The following SLC25A17 variants were observed in gnomAD, a reference collection of about 807,000 sequenced individuals.
SLC25A17 encodes the protein solute carrier family 25 member 17.
A neutral mutation model predicts 38.5 loss-of-function variants in SLC25A17; 26 were observed. The observed-to-expected ratio is 0.68, with a 90% CI of 0.50 to 0.94. The LOEUF is 0.94. SLC25A17 is among the 40% of genes least tolerant of loss of function. The pLI, the probability that SLC25A17 is intolerant of heterozygous loss-of-function variation, is 0.00. For synonymous variants in SLC25A17, 139 were observed against 136.2 expected (o/e 1.02, Z -0.14); for missense variants, 333 against 372.7 (o/e 0.89, Z 0.88).
chr22:40,777,501 C>T, intron 5 of SLC25A17, 128 bp from the exon 6 acceptor site: 1 of 1,125,522 alleles, frequency 8.9e-7, no homozygotes, highest in Non-Finnish European at 1.2e-6. Flanking sequence ...TTCCTTCTTG[C>T]AGCCGGTTGC....
At position 40,796,267 on chromosome 22, in the gene SLC25A17, G is replaced by A. The variant is rs548892379; in HGVS notation, c.116-1687C>T. Reference sequence around the variant, plus strand: ...AAAGTAATTTTAGAACATAAAATATGCAAATTAACCAATTTCCTAAGAATT... The same window carrying A: ...AAAGTAATTTTAGAACATAAAATATACAAATTAACCAATTTCCTAAGAATT... On this transcript the variant is annotated intron_variant, in intron 2 of 8. Coordinates refer to ENST00000435456, the MANE Select transcript of SLC25A17 (RefSeq NM_006358.4). Among the ~76,000 whole-genome samples the A allele has an allele frequency of 2.6e-5, 4 of 152,304 alleles. No individual in the cohort carries two copies. In the South Asian group the frequency reaches 6.2e-4, roughly 24 times the overall value.
intron 4 of SLC25A17, among the ~76,000 whole-genome samples, chr22:40,786,138 C>G (rs2057335828): frequency 6.6e-6 from 1 of 152,062 alleles, no homozygotes; most frequent in Non-Finnish European, 1.5e-5. Flanking sequence ...TGGTGAAACT[C>G]CGTCTCTAGG....
intron 1 of SLC25A17, among the ~76,000 whole-genome samples, chr22:40,801,272 T>C (rs867112036): frequency 1.3e-5 from 2 of 151,344 alleles, no homozygotes; most frequent in East Asian, 1.9e-4. Flanking sequence ...GAGAATACTC[T>C]AATATTTGTA....
chr22:40,815,131 T>C (rs2057626432), intron 1 of SLC25A17, among the ~76,000 whole-genome samples: 1 of 152,068 alleles, frequency 6.6e-6, no homozygotes, highest in South Asian at 2.1e-4. Context: ...GAATATTCTT[T>C]AAATAAGCTT....
chr22:40,799,138 CTTT>C, intron 1 of SLC25A17, 55 bp from the exon 2 acceptor site: 1 of 1,127,584 alleles, frequency 8.9e-7, no homozygotes, highest in Non-Finnish European at 1.2e-6. Flanking sequence ...TAAGTCACAA[CTTT>C]TTTTTTTTGA....
chr22:40,774,187 A>C (rs1431054974), intron 7 of SLC25A17, among the ~76,000 whole-genome samples, 168 bp from the exon 8 acceptor site: 1 of 151,968 alleles, frequency 6.6e-6, no homozygotes, highest in African/African-American at 2.4e-5. Flanking sequence ...ACTGAGTGAA[A>C]TATTTCAATC....
chr22:40,771,437 C>T (rs943267996), intron 8 of SLC25A17, among the ~76,000 whole-genome samples: 2 of 152,038 alleles, frequency 1.3e-5, no homozygotes, highest in African/African-American at 4.8e-5. Flanking sequence ...CAAATAATGT[C>T]TTAAATTTGG....
At chr22:40,773,831 G>A in intron 8 of SLC25A17, 106 bp downstream of exon 8, 1 of 803,174 alleles carries the variant, frequency 1.2e-6, no homozygotes, top group Non-Finnish European at 2.2e-6. Context: ...GGTTTTGGAG[G>A]TTGCCACCAC....
chr22:40,786,303 C>G (rs923868699), intron 4 of SLC25A17, among the ~76,000 whole-genome samples: 11 of 150,122 alleles, frequency 7.3e-5, no homozygotes, highest in Non-Finnish European at 1.5e-4. Flanking sequence ...AAAGTGAAAC[C>G]CTGTTGCAAA....
intron 2 of SLC25A17, among the ~76,000 whole-genome samples, chr22:40,797,713 C>T (rs985468155): frequency 6.6e-6 from 1 of 152,134 alleles, no homozygotes; most frequent in Non-Finnish European, 1.5e-5. Flanking sequence ...AAATAGGAAA[C>T]AATGATGACC....
Position 40,791,873 on chromosome 22 carries a change from C to G in SLC25A17, c.334+652G>C, listed in dbSNP as rs113321685. Among the ~76,000 whole-genome samples the G allele has an allele frequency of 1.2e-4, 19 of 152,248 alleles. 1 individual carries two copies. Among genetic ancestry groups the G allele is most frequent in the African/African-American group, 4.3e-4 (18 of 41,554 alleles). On this transcript the variant is annotated intron_variant, in intron 4 of 8. Coordinates refer to ENST00000435456, the MANE Select transcript of SLC25A17 (RefSeq NM_006358.4). Reference sequence around the variant, plus strand: ...ACAGAATTCCAAATGATCCAGCAATCCCACTTCTGGGTATATATCCAGAAG... The same window carrying G: ...ACAGAATTCCAAATGATCCAGCAATGCCACTTCTGGGTATATATCCAGAAG...
chr22:40,777,805 C>A (rs959426125), intron 5 of SLC25A17, among the ~76,000 whole-genome samples: 9 of 149,620 alleles, frequency 6.0e-5, no homozygotes, highest in Non-Finnish European at 1.0e-4. Flanking sequence ...AAAAAGATTT[C>A]TTTCTTGCAA....
intron 4 of SLC25A17, among the ~76,000 whole-genome samples, chr22:40,785,810 T>C (rs965389588): frequency 2.6e-5 from 4 of 152,074 alleles, no homozygotes; most frequent in Non-Finnish European, 4.4e-5. Context: ...ATTGGTTTTT[T>C]TTTTTGGTAG....
In SLC25A17 at chr22:40,777,086, G is replaced by A; in HGVS notation, c.647C>T (p.Ala216Val). 1.2e-6 allele frequency: 2 copies of A among 1,614,158 alleles called. No homozygotes were observed. The highest frequency in any genetic ancestry group is 1.7e-6 in the Non-Finnish European group (2 of 1,180,028). ...FIIGAVAKAI[A>V]TTVTYPLQTV... ...CTGCAGGGGATAGGTCACCGTGGTG[G>A]CAATCGCTTTGGCTACTGCACCAAT... The change falls in exon 7 of 9, where the codon GCC (alanine) becomes GTC (valine). Residue 216 changes from alanine (A) to valine (V), a missense_variant. Ala to Val is a moderately conservative substitution (Grantham distance 64). Transcript: ENST00000435456.
rs1242572104 is a variant in SLC25A17 at position 40,789,705 on chromosome 22, A to G, written c.334+2820T>C. Among the ~76,000 whole-genome samples, 2 of 151,778 alleles carry G rather than the reference A, an allele frequency of 1.3e-5. No homozygotes were observed. Among genetic ancestry groups the G allele is most frequent in the Non-Finnish European group, 2.9e-5 (2 of 67,954 alleles). Reference sequence around the variant, plus strand: ...GTATTTTCAGTAAAGGTGGGGTTTCACCATGTAGGCTAGGCTGTTCTCGAA... The same window carrying G: ...GTATTTTCAGTAAAGGTGGGGTTTCGCCATGTAGGCTAGGCTGTTCTCGAA... On this transcript the variant is annotated intron_variant, in intron 4 of 8. Coordinates refer to ENST00000435456, the MANE Select transcript of SLC25A17 (RefSeq NM_006358.4). The surrounding 1 kb of genome is among the most constrained non-coding windows in gnomAD (Gnocchi z 4.5).
intron 4 of SLC25A17, among the ~76,000 whole-genome samples, chr22:40,787,739 GACAACAACA>G (rs573166990): frequency 6.6e-6 from 1 of 150,538 alleles, no homozygotes; most frequent in Non-Finnish European, 1.5e-5. Context: ...TACTGTCTTC[GACAACAACA>G]ACAACAACAA....
At chr22:40,809,432 T>C (rs2057558085) in intron 1 of SLC25A17, among the ~76,000 whole-genome samples, 1 of 150,154 alleles carries the variant, frequency 6.7e-6, no homozygotes, top group Admixed American at 6.7e-5. Flanking sequence ...CTGAGCAACA[T>C]GGTGAAACAT....
intron 1 of SLC25A17, among the ~76,000 whole-genome samples, chr22:40,812,825 C>T (rs1441650300): frequency 6.6e-6 from 1 of 151,916 alleles, no homozygotes; most frequent in Non-Finnish European, 1.5e-5. Flanking sequence ...TGTGATCATC[C>T]CACAGCACTC....
At chr22:40,791,113 A>G (rs554217095) in intron 4 of SLC25A17, among the ~76,000 whole-genome samples, 3 of 152,196 alleles carry the variant, frequency 2.0e-5, no homozygotes, top group Non-Finnish European at 4.4e-5. Flanking sequence ...GAGCAATGAT[A>G]AGGTTTGATT....
Sources: allele counts gnomAD v4.1 joint callset (sites outside exome capture counted in the v4.1 genomes callset), GRCh38; gene constraint gnomAD v4.1.1; non-coding constraint Gnocchi (gnomAD v3.1); transcripts MANE v1.5; gene names NCBI Gene and HGNC (gene_info 2026-07-23, HGNC 2026-07-21).